MYO10: variants seen among roughly 807,000 people sequenced by gnomAD.
The protein encoded by MYO10 is unconventional myosin-X.
Under a neutral mutation model 257.3 loss-of-function variants are expected in MYO10, and 133 were observed. The observed-to-expected ratio is 0.52, with a 90% CI of 0.45 to 0.60. MYO10 has a LOEUF of 0.60. MYO10 is among the 20% of genes least tolerant of loss of function. The pLI is 0.00. For missense variants in MYO10, 2,399 were observed against 2,635.7 expected (o/e 0.91, Z 1.97); for synonymous variants, 1,104 against 1,028.6 (o/e 1.07, Z -1.40).
Position 16,711,107 on chromosome 5 carries a change from C to A in MYO10, c.2054+14G>T, listed in dbSNP as rs961848519. 6.2e-7 allele frequency: 1 copy of A among 1,613,616 alleles called. No homozygotes were observed. Among genetic ancestry groups the A allele is most frequent in the Non-Finnish European group, 8.5e-7 (1 of 1,179,690 alleles). On this transcript the variant is annotated intron_variant, in intron 20 of 40. Transcript: ENST00000513610. ...CTTTGAAAAGAAAGAGAATCCAATTCAGCTCCCTCTTGCCTTTTGTAAAAG... is the reference window on the plus strand; with the variant it reads ...CTTTGAAAAGAAAGAGAATCCAATTAAGCTCCCTCTTGCCTTTTGTAAAAG...
intron 1 of MYO10, among the ~76,000 whole-genome samples, chr5:16,924,959 T>C (rs1445790247): frequency 4.7e-5 from 7 of 150,322 alleles, no homozygotes; most frequent in Non-Finnish European, 8.9e-5. Flanking sequence ...GCCTCCCAAA[T>C]AGCTGGGACT....
chr5:16,912,096 TTGTTAG>T (rs1424982496), intron 1 of MYO10, among the ~76,000 whole-genome samples: 5 of 152,276 alleles, frequency 3.3e-5, no homozygotes, highest in African/African-American at 9.6e-5. Context: ...AGTCGTCTTA[TTGTTAG>T]TGTTAGTATA....
chr5:16,671,387 C>T (rs372571240), intron 38 of MYO10, 35 bp downstream of exon 38: 24 of 1,610,390 alleles, frequency 1.5e-5, no homozygotes, highest in South Asian at 2.2e-5. Context: ...CCTTGCTTGC[C>T]GGCAAAGAAA....
intron 9 of MYO10, among the ~76,000 whole-genome samples, chr5:16,776,088 G>A (rs1373336240): frequency 2.6e-5 from 4 of 151,408 alleles, no homozygotes; most frequent in African/African-American, 9.7e-5. Context: ...GTAGAGATGG[G>A]TTTTTGCCAT....
At chr5:16,675,924 AAGAG>A in intron 34 of MYO10, 103 bp downstream of exon 34, 1 of 1,320,302 alleles carries the variant, frequency 7.6e-7, no homozygotes, top group Non-Finnish European at 1.0e-6. Flanking sequence ...CACGACGAAT[AAGAG>A]AGTCTTTGAG....
At chr5:16,896,584 C>T (rs999310561) in intron 1 of MYO10, among the ~76,000 whole-genome samples, 3 of 152,048 alleles carry the variant, frequency 2.0e-5, no homozygotes, top group Non-Finnish European at 2.9e-5. Flanking sequence ...CAAAGCAAGG[C>T]TCCATCTCAA....
At chr5:16,903,226 G>A (rs1388096997) in intron 1 of MYO10, among the ~76,000 whole-genome samples, 2 of 152,222 alleles carry the variant, frequency 1.3e-5, no homozygotes, top group African/African-American at 4.8e-5. Context: ...CCAACATGGT[G>A]AAACCCTGTC....
rs1207393474 is a variant in MYO10 at position 16,864,936 on chromosome 5, T to C, written c.120+12673A>G. 2.0e-5 allele frequency among the ~76,000 whole-genome samples: 3 copies of C among 152,290 alleles called. No individual in the cohort carries two copies. In the East Asian group the frequency reaches 5.8e-4, roughly 29 times the overall value. On this transcript the variant is annotated intron_variant, in intron 2 of 40. Transcript: ENST00000513610. ...AGCAAGAATGAAAGTCCCAGTGGTG[T>C]TCAATCTCTGGAGTATAGACCGCTG... is the stretch of plus-strand genomic sequence containing the variant.
At chr5:16,751,776 A>G (rs1267785664) in intron 19 of MYO10, among the ~76,000 whole-genome samples, 1 of 151,570 alleles carries the variant, frequency 6.6e-6, no homozygotes, top group African/African-American at 2.4e-5. Flanking sequence ...CACCGCTCCC[A>G]GCCTTCTGAG....
intron 39 of MYO10, among the ~76,000 whole-genome samples, 180 bp from the exon 40 acceptor site, chr5:16,668,648 T>G (rs1736291983): frequency 6.6e-6 from 1 of 152,230 alleles, no homozygotes; most frequent in South Asian, 2.1e-4. Context: ...GCTATCTTGA[T>G]TTCTAACTAG....
In MYO10 at chr5:16,689,838, G is replaced by T. The variant is rs767405265; in HGVS notation, c.3882C>A (p.Ser1294=). 1.9e-6 allele frequency: 3 copies of T among 1,612,728 alleles called. No individual in the cohort carries two copies. Among genetic ancestry groups the T allele is most frequent in the South Asian group, 2.2e-5 (2 of 91,036 alleles). The change falls in exon 28 of 41, where the codon TCC becomes TCA. Residue 1294 remains serine (S), a synonymous_variant. Coordinates refer to ENST00000513610, the MANE Select transcript of MYO10 (RefSeq NM_012334.3). ...CGCAGACTCACCTGGCATCTTCTGG[G>T]GACTCTGCAATCAGGTGGAAAGTCC... ...ADRTFHLIAE[S]PEDASQWFSV...
At chr5:16,674,001 G>T in intron 35 of MYO10, 112 bp from the exon 36 acceptor site, 1 of 865,800 alleles carries the variant, frequency 1.2e-6, no homozygotes, top group Non-Finnish European at 1.9e-6. Flanking sequence ...TCCCCCACTG[G>T]TGAATGGAGC....
At chr5:16,809,164 G>GTGGA (rs10667348) in intron 3 of MYO10, among the ~76,000 whole-genome samples, 17,011 of 150,730 alleles carry the variant, frequency 0.11, 1,098 homozygotes, top group South Asian at 0.27. Flanking sequence ...TTGATTTCAT[G>GTGGA]TGGAAAAAAA....
chr5:16,852,714 G>A (rs1167543802), intron 2 of MYO10, among the ~76,000 whole-genome samples: 1 of 151,898 alleles, frequency 6.6e-6, no homozygotes, highest in African/African-American at 2.4e-5. Context: ...GTTTTCTCAT[G>A]TGACTTTGAT....
intron 9 of MYO10, among the ~76,000 whole-genome samples, chr5:16,775,655 T>C (rs1035406328): frequency 6.6e-6 from 1 of 152,102 alleles, no homozygotes; most frequent in Non-Finnish European, 1.5e-5. Flanking sequence ...CAGGCTGGAG[T>C]GCAGTGGCGC....
At position 16,750,489 on chromosome 5, in the gene MYO10, C is replaced by T. The variant is rs577618224; in HGVS notation, c.1929+4339G>A. On this transcript the variant is annotated intron_variant, in intron 19 of 40. Transcript: ENST00000513610. ...AACCCCAGATGCGCGTTCTGGGGTT[C>T]AAACACTTGGCAAGGAGGAGAGGCA... Among the ~76,000 whole-genome samples, 42 of 152,112 alleles carry T rather than the reference C, an allele frequency of 2.8e-4. 1 individual carries two copies. The highest frequency in any genetic ancestry group is 2.4e-3 in the Admixed American group (37 of 15,278).
chr5:16,721,618 A>T (rs1183691493), intron 19 of MYO10, among the ~76,000 whole-genome samples: 11 of 152,248 alleles, frequency 7.2e-5, no homozygotes, highest in Admixed American at 4.6e-4. Context: ...GCTGTCAGTC[A>T]GTCCTGGAGG....
chr5:16,848,430 G>A (rs1743704997), intron 2 of MYO10, among the ~76,000 whole-genome samples: 1 of 152,032 alleles, frequency 6.6e-6, no homozygotes, highest in South Asian at 2.1e-4. Context: ...AAAGGGCTGG[G>A]ATTATAGCCA....
Position 16,670,635 on chromosome 5 carries a change from A to G in MYO10, c.5774T>C (p.Ile1925Thr). ...TCCCTGAAATTTCCTCCACTTGTCA[A>G]TGATACTGGCTCGAGCAGAGGAGAC... ...EEVSSARASIIDKWRKFQGMN... is the reference protein window; with the variant it reads ...EEVSSARASITDKWRKFQGMN... The change falls in exon 39 of 41, where the codon ATT becomes ACT. Residue 1925 changes from isoleucine (I) to threonine (T), a missense_variant. Coordinates refer to ENST00000513610, the MANE Select transcript of MYO10 (RefSeq NM_012334.3). The G allele has an allele frequency of 6.2e-7, 1 of 1,613,984 alleles. No homozygotes were observed. Among genetic ancestry groups the G allele is most frequent in the Non-Finnish European group, 8.5e-7 (1 of 1,179,884 alleles).
Sources: gnomAD v4.1 joint callset for allele counts (sites outside exome capture counted in the v4.1 genomes callset) on GRCh38, gnomAD v4.1.1 for gene constraint, MANE v1.5 for transcripts, NCBI Gene and HGNC (gene_info 2026-07-23, HGNC 2026-07-21) for gene names.